Variants in SLC2A14 observed in about 807,000 individuals in gnomAD.
SLC2A14 encodes the protein solute carrier family 2, facilitated glucose transporter member 14.
Under a neutral mutation model 43.0 loss-of-function variants are expected in SLC2A14, and 13 were observed. The ratio of observed to expected loss-of-function variants is 0.30; its 90% CI spans 0.20 to 0.48. The LOEUF (loss-of-function observed/expected upper bound fraction) is 0.48. Among genes scored for constraint, SLC2A14 ranks in the 20% least tolerant of loss-of-function variants. The probability of loss-of-function intolerance (pLI) is 0.99; values close to 1 mark genes in which losing one functional copy is unlikely to be tolerated. For missense variants in SLC2A14, 428 were observed against 620.4 expected, an observed-to-expected ratio of 0.69 and a Z score of 3.29; for synonymous variants, 190 against 233.8, an observed-to-expected ratio of 0.81 and a Z score of 1.71.
chr12:7,827,025 TTTCTC>T lies in SLC2A14; in HGVS notation c.864+465_864+469del, dbSNP rs1338369856. Among the ~76,000 whole-genome samples the T allele has an allele frequency of 2.4e-5, 3 of 125,626 alleles. No individual in the cohort carries two copies. The South Asian group carries it at 8.7e-4, about 36-fold the overall frequency. 82.4% of individuals were successfully genotyped at this position (125,626 alleles called of 152,430 possible). ...CCTTTCTCTCTCTCTCTTTCTCTCC[TTTCTC>T]TCTCTTTCTCTCCTTTCTCTCTCTC... On this transcript the variant is annotated intron_variant, in intron 7 of 10. Coordinates refer to ENST00000431042, the MANE Select transcript of SLC2A14 (RefSeq NM_001286234.2).
At chr12:7,878,993 AAAAAAAAAAAAAC>A (rs1945515960) in intron 1 of SLC2A14, among the ~76,000 whole-genome samples, 1 of 137,656 alleles carries the variant, frequency 7.3e-6, no homozygotes, top group Non-Finnish European at 1.6e-5. Context: ...AAAAAAAAAA[AAAAAAAAAAAAAC>A]AATTTGTCTT....
chr12:7,883,618 C>T (rs1167613422), intron 1 of SLC2A14, among the ~76,000 whole-genome samples: 4 of 89,244 alleles, frequency 4.5e-5, no homozygotes, highest in East Asian at 3.4e-4. Flanking sequence ...TTTTTTGAGA[C>T]GGGGTCTCTC....
At chr12:7,881,642 C>T (rs1267631779) in intron 1 of SLC2A14, among the ~76,000 whole-genome samples, 1 of 152,160 alleles carries the variant, frequency 6.6e-6, no homozygotes, top group Admixed American at 6.5e-5. Context: ...ATCGACCACC[C>T]AAGGGCTGAG....
Position 7,827,378 on chromosome 12 carries a change from C to T in SLC2A14, c.864+117G>A, listed in dbSNP as rs189721657. The stretch of plus-strand genomic sequence containing the variant: ...GCAACCTTCGCCTCCCGGGTTCAAG[C>T]GATTCTCCTGCCTCAGCCTCCTGAG... On this transcript the variant is annotated intron_variant, in intron 7 of 10. Coordinates refer to ENST00000431042, the MANE Select transcript of SLC2A14 (RefSeq NM_001286234.2). The T allele has an allele frequency of 4.7e-5, 68 of 1,437,744 alleles. No individual in the cohort carries two copies. In the East Asian group the frequency reaches 8.6e-4, roughly 18 times the overall value. 89.1% of individuals were successfully genotyped at this position (1,437,744 alleles called of 1,614,324 possible). A position where few individuals can be genotyped will look rare whatever the true frequency, so the allele number is the denominator to read the frequency against.
intron 2 of SLC2A14, among the ~76,000 whole-genome samples, chr12:7,868,752 AATCCCAGC>A (rs1396471805): frequency 6.6e-6 from 1 of 152,182 alleles, no homozygotes; most frequent in African/African-American, 2.4e-5. Context: ...TCATGGCTGT[AATCCCAGC>A]ATTTTGGGAG....
chr12:7,859,168 C>T (rs1207326204), intron 2 of SLC2A14, among the ~76,000 whole-genome samples: 1 of 152,098 alleles, frequency 6.6e-6, no homozygotes, highest in Non-Finnish European at 1.5e-5. Flanking sequence ...GAGGGCGGAT[C>T]ACCTGAGGTC....
intron 1 of SLC2A14, among the ~76,000 whole-genome samples, chr12:7,878,551 G>A (rs1159080909): frequency 1.3e-5 from 2 of 151,968 alleles, no homozygotes. Context: ...GAGCCACCCT[G>A]CCCAGCCAGT....
At chr12:7,879,321 A>AAAC (rs1555149785) in intron 1 of SLC2A14, among the ~76,000 whole-genome samples, 3 of 34,490 alleles carry the variant, frequency 8.7e-5, no homozygotes, top group African/African-American at 1.2e-4. Flanking sequence ...AAAAAAAAAC[A>AAAC]AACAACAACA....
chr12:7,832,977 T>G (rs780230660), intron 2 of SLC2A14, among the ~76,000 whole-genome samples, 163 bp from the exon 3 acceptor site: 3 of 152,244 alleles, frequency 2.0e-5, no homozygotes, highest in South Asian at 2.1e-4. Flanking sequence ...GAAGACAAAG[T>G]AATAGATTAT....
At chr12:7,874,578 A>G (rs11056251), upstream of SLC2A14, among the ~76,000 whole-genome samples, 29,117 of 150,990 alleles carry the variant, frequency 0.19, 3,079 homozygotes, top group East Asian at 0.36. Context: ...AGACTGAGGC[A>G]GGAAAATTGC....
intron 2 of SLC2A14, among the ~76,000 whole-genome samples, chr12:7,838,136 G>C (rs1470283833): frequency 1.4e-5 from 2 of 147,670 alleles, no homozygotes; most frequent in African/African-American, 5.0e-5. Flanking sequence ...CACCCATGCA[G>C]GAGTGCAGTG....
chr12:7,862,812 C>T (rs1944657733), intron 2 of SLC2A14, among the ~76,000 whole-genome samples: 1 of 152,138 alleles, frequency 6.6e-6, no homozygotes, highest in Non-Finnish European at 1.5e-5. Context: ...TATCTAGCTG[C>T]TCTGGTGGGG....
In SLC2A14 at chr12:7,864,560, G is replaced by A. The variant is rs190897933; in HGVS notation, c.18+5303C>T. 5.9e-5 allele frequency among the ~76,000 whole-genome samples: 9 copies of A among 152,180 alleles called. No individual in the cohort carries two copies. The East Asian group carries it at 1.2e-3, about 20-fold the overall frequency. ...TCACCATGTTAGCCAGGATGGTCTC[G>A]ATCTCCGGACCTCATCATCCGCCGG... On this transcript the variant is annotated intron_variant, in intron 2 of 10. Coordinates refer to ENST00000431042, the MANE Select transcript of SLC2A14 (RefSeq NM_001286234.2).
intron 7 of SLC2A14, among the ~76,000 whole-genome samples, chr12:7,823,574 G>A (rs1864107885): frequency 6.6e-6 from 1 of 151,752 alleles, no homozygotes; most frequent in South Asian, 2.1e-4. Flanking sequence ...TACAAAATTA[G>A]TAGGGCATGG....
At chr12:7,842,641 C>T (rs1242736367) in intron 2 of SLC2A14, among the ~76,000 whole-genome samples, 4 of 151,764 alleles carry the variant, frequency 2.6e-5, no homozygotes. Flanking sequence ...CAGGCTACCA[C>T]CCCCCTCCCC....
rs892807238 is a variant in SLC2A14, at chr12:7,852,819, G to A, written c.18+17044C>T. Among the ~76,000 whole-genome samples the A allele has an allele frequency of 6.6e-5, 10 of 152,054 alleles. 1 individual carries two copies. Among genetic ancestry groups the A allele is most frequent in the Non-Finnish European group, 1.5e-4 (10 of 68,004 alleles). ...ATCTCCAATGAGATCCTGTGCAAAA[G>A]GCTGAAATACCTCACCCATCTGACA... On this transcript the variant is annotated intron_variant, in intron 2 of 10. Coordinates refer to ENST00000431042, the MANE Select transcript of SLC2A14 (RefSeq NM_001286234.2).
chr12:7,868,027 C>T (rs978048614), intron 2 of SLC2A14, among the ~76,000 whole-genome samples: 2 of 152,086 alleles, frequency 1.3e-5, no homozygotes, highest in African/African-American at 4.8e-5. Context: ...GGCTAAAATG[C>T]TATCAAACAG....
rs189756733 is a variant in SLC2A14, at chr12:7,858,399, A to T, written c.18+11464T>A. Among the ~76,000 whole-genome samples, 5 of 152,292 alleles carry T rather than the reference A, an allele frequency of 3.3e-5. No individual in the cohort carries two copies. In the East Asian group the frequency reaches 9.6e-4, roughly 29 times the overall value. On this transcript the variant is annotated intron_variant, in intron 2 of 10. Coordinates refer to ENST00000431042, the MANE Select transcript of SLC2A14 (RefSeq NM_001286234.2). ...AAGGACTTTACATATTCTAGATACA[A>T]GCCCCTTATCATACACATGATTTGC...
At chr12:7,871,276 G>T in intron 1 of SLC2A14, 1 of 1,183,956 alleles carries the variant, frequency 8.4e-7, no homozygotes, top group Non-Finnish European at 1.1e-6. Context: ...AGAAGTGGAT[G>T]AGATGTACTG....
Sources: allele counts gnomAD v4.1 joint callset (sites outside exome capture counted in the v4.1 genomes callset), GRCh38; gene constraint gnomAD v4.1.1; transcripts MANE v1.5; gene names NCBI Gene and HGNC (gene_info 2026-07-23, HGNC 2026-07-21).